The following ELMO1 variants were observed in gnomAD, a reference collection of about 807,000 sequenced individuals.
The protein encoded by ELMO1 is engulfment and cell motility 1, also known as engulfment and cell motility protein 1.
ELMO1 carries 26 observed loss-of-function variants against 98.9 expected under a neutral mutation model. That is an observed-to-expected ratio of 0.26 (90% CI 0.19 to 0.36). The LOEUF is 0.36. Ranked by LOEUF, ELMO1 falls within the 10% of genes least tolerant of loss-of-function variation. The pLI is 1.00. For missense variants in ELMO1, 627 were observed against 935.2 expected (o/e 0.67, Z 4.30); for synonymous variants, 346 against 346.0 (o/e 1.00, Z 0.00).
At chr7:37,089,901 G>C (rs558806181) in intron 15 of ELMO1, among the ~76,000 whole-genome samples, 2 of 152,164 alleles carry the variant, frequency 1.3e-5, no homozygotes, top group Admixed American at 1.3e-4. Context: ...TGGGTAATGG[G>C]TAATGGCTAA....
At chr7:37,116,189 TACA>T (rs1218579625) in intron 14 of ELMO1, among the ~76,000 whole-genome samples, 1 of 152,094 alleles carries the variant, frequency 6.6e-6, no homozygotes, top group East Asian at 1.9e-4. Context: ...ACTCCTGCAT[TACA>T]ACAATTAAAG....
intron 13 of ELMO1, among the ~76,000 whole-genome samples, chr7:37,155,052 C>A (rs995948545): frequency 6.6e-6 from 1 of 152,164 alleles, no homozygotes; most frequent in African/African-American, 2.4e-5. Context: ...CATATCCAGA[C>A]AAACTAAGCT....
In ELMO1 at chr7:37,009,668, C is replaced by G. The variant is rs190090144; in HGVS notation, c.1437+3631G>C. Reference sequence around the variant, plus strand: ...GCTAAAGAAGACAGATAGCTAAGCCCTGCTCACAGAGCCCTGGGTCTCAGG... The same window carrying G: ...GCTAAAGAAGACAGATAGCTAAGCCGTGCTCACAGAGCCCTGGGTCTCAGG... On this transcript the variant is annotated intron_variant, in intron 16 of 21. Coordinates refer to ENST00000310758, the MANE Select transcript of ELMO1 (RefSeq NM_014800.11). Among the ~76,000 whole-genome samples, 220 of 152,344 alleles carry G rather than the reference C, an allele frequency of 1.4e-3. 1 individual carries two copies. Among genetic ancestry groups the G allele is most frequent in the African/African-American group, 5.1e-3 (214 of 41,580 alleles).
chr7:37,181,971 T>G (rs1046152614), intron 13 of ELMO1, among the ~76,000 whole-genome samples: 3 of 152,124 alleles, frequency 2.0e-5, no homozygotes, highest in Non-Finnish European at 2.9e-5. Flanking sequence ...CAAATGTGTA[T>G]GCCAACATAT....
chr7:37,141,142 C>A (rs1584709834), intron 13 of ELMO1, among the ~76,000 whole-genome samples: 6 of 152,158 alleles, frequency 3.9e-5, no homozygotes, highest in African/African-American at 1.2e-4. Context: ...AAATGCCCAT[C>A]AATCAATGAG....
chr7:37,418,384 A>G (rs920333202), intron 1 of ELMO1, among the ~76,000 whole-genome samples: 3 of 152,204 alleles, frequency 2.0e-5, no homozygotes, highest in African/African-American at 7.2e-5. Flanking sequence ...TACCCCTGAC[A>G]GCAGCCTGCA....
chr7:37,384,714 C>T (rs977907467), intron 1 of ELMO1, among the ~76,000 whole-genome samples: 8 of 146,988 alleles, frequency 5.4e-5, no homozygotes, highest in Admixed American at 3.4e-4. Flanking sequence ...AGCAAGACTC[C>T]GTCTCAAAAA....
chr7:37,230,522 C>T lies in ELMO1; in HGVS notation c.549+2573G>A, dbSNP rs972314841. 4.6e-5 allele frequency among the ~76,000 whole-genome samples: 7 copies of T among 152,326 alleles called. No homozygotes were observed. In the East Asian group the frequency reaches 1.2e-3, roughly 25 times the overall value. ...GACCTCATTCAACCTCGGCAAGCCA[C>T]TGCATCCCTGCCTCCTAACCAGAAA... On this transcript the variant is annotated intron_variant, in intron 8 of 21. Coordinates refer to ENST00000310758, the MANE Select transcript of ELMO1 (RefSeq NM_014800.11).
In ELMO1 at chr7:37,397,538, C is replaced by T. The variant is rs12670093; in HGVS notation, c.-74+51137G>A. 1.2e-3 allele frequency among the ~76,000 whole-genome samples: 185 copies of T among 152,322 alleles called. 5 individuals are homozygous for T. In the East Asian group the frequency reaches 0.031, roughly 25 times the overall value. ...TCAGATCTATTTGTCTGTGATTTCC[C>T]TTTGGGCAGCATCACCTCTGTGCAC... is the stretch of plus-strand genomic sequence containing the variant. On this transcript the variant is annotated intron_variant, in intron 1 of 21. Transcript: ENST00000310758.
At chr7:36,961,029 C>T (rs1007794990) in intron 16 of ELMO1, among the ~76,000 whole-genome samples, 1 of 152,158 alleles carries the variant, frequency 6.6e-6, no homozygotes, top group African/African-American at 2.4e-5. Context: ...AACCATCCCA[C>T]GTGTGTCTGT....
chr7:36,928,873 C>G (rs892180271), intron 16 of ELMO1, among the ~76,000 whole-genome samples: 7 of 152,170 alleles, frequency 4.6e-5, no homozygotes, highest in Non-Finnish European at 1.0e-4. Context: ...GCATATGACA[C>G]ACAAAGAGCT....
chr7:37,253,718 A>C (rs1390861926), intron 6 of ELMO1, among the ~76,000 whole-genome samples: 1 of 129,818 alleles, frequency 7.7e-6, no homozygotes, highest in African/African-American at 3.2e-5. Context: ...AAGAACTTAA[A>C]GTAAAAAAAA....
At chr7:36,880,877 T>C (rs968557749) in intron 18 of ELMO1, among the ~76,000 whole-genome samples, 1 of 152,250 alleles carries the variant, frequency 6.6e-6, no homozygotes, top group East Asian at 1.9e-4. Flanking sequence ...TTGGAGTTGA[T>C]GTTTGTTTAA....
At chr7:37,360,061 G>A (rs1191104281) in intron 1 of ELMO1, among the ~76,000 whole-genome samples, 1 of 152,104 alleles carries the variant, frequency 6.6e-6, no homozygotes, top group African/African-American at 2.4e-5. Flanking sequence ...CTGGTAAAAC[G>A]GGGATCTTTT....
At chr7:37,005,123 A>AG (rs1227529689) in intron 16 of ELMO1, among the ~76,000 whole-genome samples, 89 of 151,128 alleles carry the variant, frequency 5.9e-4, no homozygotes, top group African/African-American at 2.0e-3. Flanking sequence ...AAAAAAAAAA[A>AG]AAAAAAAAAG....
intron 13 of ELMO1, among the ~76,000 whole-genome samples, chr7:37,157,017 G>T (rs981101391): frequency 6.6e-6 from 1 of 152,140 alleles, no homozygotes; most frequent in Admixed American, 6.5e-5. Context: ...TTCAACATAT[G>T]CAAATCAATA....
intron 19 of ELMO1, among the ~76,000 whole-genome samples, chr7:36,871,649 C>T (rs933589105): frequency 1.3e-5 from 2 of 152,144 alleles, no homozygotes; most frequent in Non-Finnish European, 2.9e-5. Context: ...TTAAAGCTCA[C>T]ATCCTTTCAT....
intron 6 of ELMO1, among the ~76,000 whole-genome samples, chr7:37,245,615 T>C (rs1044577939): frequency 3.9e-5 from 6 of 152,082 alleles, no homozygotes; most frequent in Non-Finnish European, 8.8e-5. Context: ...CAAAAAGGCA[T>C]TGGGCAGGGT....
At chr7:37,374,311 C>T (rs17260207) in intron 1 of ELMO1, among the ~76,000 whole-genome samples, 38,426 of 152,018 alleles carry the variant, frequency 0.25, 5,158 homozygotes, top group Non-Finnish European at 0.31. Context: ...ACCATCGTGT[C>T]TAACTATATT....
Sources: allele counts gnomAD v4.1 joint callset (sites outside exome capture counted in the v4.1 genomes callset), GRCh38; gene constraint gnomAD v4.1.1; transcripts MANE v1.5; gene names NCBI Gene and HGNC (gene_info 2026-07-23, HGNC 2026-07-21).